Variants in DEFB119 observed in about 807,000 individuals in gnomAD.
DEFB119 encodes the protein defensin beta 119.
In DEFB119, 3 loss-of-function variants were observed where a neutral mutation model predicts 2.5. The observed-to-expected ratio is 1.19, with a 90% CI of 0.54 to 3.07. The LOEUF (loss-of-function observed/expected upper bound fraction) is 3.07, where lower values mean the gene tolerates loss of function less well. Among genes scored for constraint, DEFB119 ranks in the 30% most tolerant of loss-of-function variants. DEFB119 has a pLI of 0.03. For synonymous variants in DEFB119, 29 were observed against 33.7 expected (o/e 0.86, Z 0.48); for missense variants, 113 against 101.1 (o/e 1.12, Z -0.50).
At chr20:31,388,339 C>T (rs1411635907) in intron 1 of DEFB119, 2 of 981,060 alleles carry the variant, frequency 2.0e-6, no homozygotes, top group Admixed American at 6.1e-5. Flanking sequence ...ATTATTATGT[C>T]ATTTCATCCT....
At chr20:31,386,244 T>TG (rs1986699943) in intron 1 of DEFB119, among the ~76,000 whole-genome samples, 1 of 152,066 alleles carries the variant, frequency 6.6e-6, no homozygotes, top group Admixed American at 6.6e-5. Context: ...AGAGAAAACC[T>TG]GGGGGCAGGG....
intron 1 of DEFB119, among the ~76,000 whole-genome samples, chr20:31,382,687 C>T (rs1182726066): frequency 2.6e-5 from 4 of 152,152 alleles, no homozygotes; most frequent in African/African-American, 7.2e-5. Flanking sequence ...GCCTTTTGTG[C>T]CCCCACCAGA....
In DEFB119 at chr20:31,390,536, G is replaced by C. The variant is rs773888566; in HGVS notation, c.-53C>G. On this transcript the variant is annotated 5_prime_UTR_variant, in exon 1 of 2. Coordinates refer to ENST00000376321, the MANE Select transcript of DEFB119 (RefSeq NM_153289.4). ...GCTGAGCTGCAGGGGAAGGAAATAG[G>C]GTTCCCTGCAGCACGGCAGAGATGA... The C allele has an allele frequency of 1.3e-6, 2 of 1,563,674 alleles. No homozygotes were observed. The highest frequency in any genetic ancestry group is 1.8e-6 in the Non-Finnish European group (2 of 1,138,716).
At chr20:31,378,624 G>A (rs560424389) in intron 1 of DEFB119, among the ~76,000 whole-genome samples, 1 of 152,260 alleles carries the variant, frequency 6.6e-6, no homozygotes, top group Admixed American at 6.5e-5. Flanking sequence ...CAGTATAAAT[G>A]TAGTACAGTC....
chr20:31,390,129 G>A (rs1465955476), intron 1 of DEFB119, among the ~76,000 whole-genome samples: 4 of 151,716 alleles, frequency 2.6e-5, no homozygotes, highest in Admixed American at 6.6e-5. Context: ...CTAGTCTCCC[G>A]AAGTCCTCAA....
chr20:31,388,945 T>A, intron 1 of DEFB119: 1 of 1,551,772 alleles, frequency 6.4e-7, no homozygotes, highest in Admixed American at 1.9e-5. Flanking sequence ...GTATCATTCC[T>A]TATGATTGAC....
chr20:31,385,374 CAAAAA>C (rs539118665), intron 1 of DEFB119, among the ~76,000 whole-genome samples: 6 of 115,762 alleles, frequency 5.2e-5, no homozygotes, highest in African/African-American at 1.7e-4. Flanking sequence ...TAACAAAAGA[CAAAAA>C]AAAAAAAAAA....
At chr20:31,382,558 G>A (rs1986537931) in intron 1 of DEFB119, among the ~76,000 whole-genome samples, 1 of 152,204 alleles carries the variant, frequency 6.6e-6, no homozygotes, top group African/African-American at 2.4e-5. Flanking sequence ...GCAAGACCCA[G>A]AAACTCCTCT....
At chr20:31,387,760 G>T (rs1387415997) in intron 1 of DEFB119, among the ~76,000 whole-genome samples, 2 of 152,122 alleles carry the variant, frequency 1.3e-5, no homozygotes, top group Admixed American at 6.5e-5. Context: ...GTTTCTCTGG[G>T]CAGGCAATCC....
At chr20:31,382,380 C>A in intron 1 of DEFB119, among the ~76,000 whole-genome samples, 1 of 152,136 alleles carries the variant, frequency 6.6e-6, no homozygotes, top group Non-Finnish European at 1.5e-5. Flanking sequence ...GTTTCTGCAC[C>A]TCCCTGTTCT....
At chr20:31,388,912 C>A (rs1391498146) in intron 1 of DEFB119, 4 of 1,507,040 alleles carry the variant, frequency 2.7e-6, no homozygotes, top group South Asian at 1.3e-5. Context: ...CCCTGCCATC[C>A]CCCCACCCTC....
chr20:31,377,650 A>ATG (rs151207116), intron 1 of DEFB119, among the ~76,000 whole-genome samples: 25,336 of 150,796 alleles, frequency 0.17, 2,736 homozygotes, highest in African/African-American at 0.31. Context: ...GTGTGTGTAT[A>ATG]TGTGTGTGTG....
intron 1 of DEFB119, among the ~76,000 whole-genome samples, chr20:31,385,387 A>AC (rs1986657625): frequency 6.6e-6 from 1 of 151,780 alleles, no homozygotes; most frequent in Admixed American, 6.6e-5. Context: ...AAAAAAAAAA[A>AC]AAAAACACAG....
chr20:31,381,440 C>T (rs1189595830), intron 1 of DEFB119, among the ~76,000 whole-genome samples: 4 of 152,200 alleles, frequency 2.6e-5, no homozygotes, highest in Non-Finnish European at 4.4e-5. Context: ...CCTTTTCTTG[C>T]ATTAATGCAA....
chr20:31,385,780 G>A (rs1308454530), intron 1 of DEFB119, among the ~76,000 whole-genome samples: 1 of 152,060 alleles, frequency 6.6e-6, no homozygotes, highest in African/African-American at 2.4e-5. Context: ...TGAGGTGGGA[G>A]GATTGCTTGA....
chr20:31,381,063 CT>C (rs1254963187), intron 1 of DEFB119, among the ~76,000 whole-genome samples: 2 of 152,198 alleles, frequency 1.3e-5, no homozygotes, highest in Middle Eastern at 3.4e-3. Flanking sequence ...TGGTGTGCCT[CT>C]TCATTTATTT....
At chr20:31,379,240 C>T (rs1354322149) in intron 1 of DEFB119, among the ~76,000 whole-genome samples, 6 of 152,016 alleles carry the variant, frequency 3.9e-5, no homozygotes, top group East Asian at 1.9e-4. Flanking sequence ...TTTAATTTGT[C>T]GGAAGGCATT....
chr20:31,385,869 CAA>C (rs57252125), intron 1 of DEFB119, among the ~76,000 whole-genome samples: 4 of 139,426 alleles, frequency 2.9e-5, no homozygotes, highest in African/African-American at 5.1e-5. Context: ...GACCGTGTCT[CAA>C]AAAAAAAAAA....
At chr20:31,377,501 T>A (rs1986345073) in intron 1 of DEFB119, 62 bp from the exon 2 acceptor site, 1 of 1,521,294 alleles carries the variant, frequency 6.6e-7, no homozygotes, top group African/African-American at 1.4e-5. Context: ...ATCTGATAAG[T>A]CGGGAAGCAT....
Sources: allele counts gnomAD v4.1 joint callset (sites outside exome capture counted in the v4.1 genomes callset), GRCh38; gene constraint gnomAD v4.1.1; transcripts MANE v1.5; gene names NCBI Gene and HGNC (gene_info 2026-07-23, HGNC 2026-07-21).